Variants in SYNJ1 observed in about 807,000 individuals in gnomAD.
SYNJ1 encodes synaptojanin 1.
A neutral mutation model predicts 168.2 loss-of-function variants in SYNJ1; 78 were observed. The ratio of observed to expected loss-of-function variants is 0.46; its 90% CI spans 0.39 to 0.56. The LOEUF (loss-of-function observed/expected upper bound fraction) is 0.56. Among genes scored for constraint, SYNJ1 ranks in the 20% least tolerant of loss-of-function variants. The probability of loss-of-function intolerance (pLI) is 0.00; values close to 1 mark genes in which losing one functional copy is unlikely to be tolerated. For synonymous variants in SYNJ1, 539 were observed against 548.6 expected (o/e 0.98, Z 0.24); for missense variants, 1,303 against 1,597.6 (o/e 0.82, Z 3.14).
At chr21:32,667,945 T>C (rs2041009089) in intron 15 of SYNJ1, among the ~76,000 whole-genome samples, 1 of 152,040 alleles carries the variant, frequency 6.6e-6, no homozygotes, top group South Asian at 2.1e-4. Context: ...TTAAGAGTGG[T>C]ACTCAGTAGG....
At chr21:32,644,773 TA>T (rs983258711) in intron 26 of SYNJ1, among the ~76,000 whole-genome samples, 194 bp downstream of exon 26, 11 of 150,436 alleles carry the variant, frequency 7.3e-5, no homozygotes, top group African/African-American at 2.2e-4. Context: ...CCACATTTAT[TA>T]AAAAAAAAAT....
At chr21:32,636,469 GACTTGTA>G (rs1278063030) in intron 31 of SYNJ1, among the ~76,000 whole-genome samples, 3 of 152,244 alleles carry the variant, frequency 2.0e-5, no homozygotes, top group Non-Finnish European at 4.4e-5. Flanking sequence ...GATAAGTAAA[GACTTGTA>G]AAAATTACAA....
At chr21:32,727,798 C>G in intron 1 of SYNJ1, 148 bp downstream of exon 1, 1 of 1,439,500 alleles carries the variant, frequency 6.9e-7, no homozygotes, top group Admixed American at 2.4e-5. Flanking sequence ...CAACCCCGCC[C>G]GTCCTCCCGC....
intron 3 of SYNJ1, among the ~76,000 whole-genome samples, chr21:32,701,545 A>G (rs845001): frequency 0.084 from 11,907 of 141,768 alleles, 586 homozygotes; most frequent in South Asian, 0.16. Flanking sequence ...ATTACGTGGC[A>G]AAAAAAAAAA....
chr21:32,694,310 A>G lies in SYNJ1; in HGVS notation c.707T>C (p.Val236Ala), dbSNP rs2042127424. The G allele has an allele frequency of 6.5e-7, 1 of 1,550,138 alleles. No homozygotes were observed. Among genetic ancestry groups the G allele is most frequent in the East Asian group, 2.4e-5 (1 of 41,236 alleles). ...AGAAACTGAGTCATCTAAGTACACA[A>G]CCTACAGAAAAAAAAATAATATGTA... is the stretch of plus-strand genomic sequence containing the variant. ...HVANFVETEQ[V>A]VYLDDSVSSF... The change falls in exon 6 of 33, where the codon GTT (valine) becomes GCT (alanine). Residue 236 changes from valine (V) to alanine (A), a missense_variant and splice_region_variant. By Grantham distance (64) the Val-to-Ala change is moderately conservative. Coordinates refer to ENST00000674351, the MANE Select transcript of SYNJ1 (RefSeq NM_203446.3).
chr21:32,707,815 G>A (rs771036726), intron 2 of SYNJ1, among the ~76,000 whole-genome samples: 27 of 152,142 alleles, frequency 1.8e-4, no homozygotes, highest in Non-Finnish European at 4.0e-4. Flanking sequence ...TTGGGAGATC[G>A]AAACCAGCCT....
At position 32,656,974 on chromosome 21, in the gene SYNJ1, A is replaced by G. The variant is rs2040484142; in HGVS notation, c.2579+29T>C. ...GGTGTATTTCAAACAAATTTCAAACACTATTAGAAAAACTGAGACTGCTTA... is the reference window on the plus strand; with the variant it reads ...GGTGTATTTCAAACAAATTTCAAACGCTATTAGAAAAACTGAGACTGCTTA... On this transcript the variant is annotated intron_variant, in intron 20 of 32. Transcript: ENST00000674351. 5 of 1,610,354 alleles carry G rather than the reference A, an allele frequency of 3.1e-6. No homozygotes were observed. In the East Asian group the frequency reaches 1.1e-4, roughly 36 times the overall value.
intron 21 of SYNJ1, among the ~76,000 whole-genome samples, chr21:32,654,370 A>C (rs1339128331): frequency 6.6e-6 from 1 of 152,198 alleles, no homozygotes; most frequent in Non-Finnish European, 1.5e-5. Flanking sequence ...AACTGACTCA[A>C]TTTCTTTGGC....
intron 11 of SYNJ1, among the ~76,000 whole-genome samples, chr21:32,679,386 T>C (rs1177233086): frequency 2.0e-5 from 3 of 152,178 alleles, no homozygotes; most frequent in African/African-American, 7.2e-5. Flanking sequence ...AAACTACAGT[T>C]TGTATATTTT....
chr21:32,728,185 C>T (rs1666437339), upstream of SYNJ1: 3 of 948,976 alleles, frequency 3.2e-6, no homozygotes, highest in Admixed American at 3.2e-5. Flanking sequence ...ACCTTTGCCT[C>T]CTGCGGCCGC....
At chr21:32,675,946 C>T (rs972968528) in intron 13 of SYNJ1, among the ~76,000 whole-genome samples, 31 of 152,104 alleles carry the variant, frequency 2.0e-4, no homozygotes, top group Non-Finnish European at 1.0e-4. Context: ...GTAAATATCA[C>T]GGATGGCACT....
chr21:32,652,202 ATT>A (rs373043202), intron 22 of SYNJ1, among the ~76,000 whole-genome samples: 4 of 144,776 alleles, frequency 2.8e-5, no homozygotes, highest in Non-Finnish European at 1.5e-5. Flanking sequence ...CACACAAAGA[ATT>A]TTTTTTTTTT....
chr21:32,646,474 T>G lies in SYNJ1; in HGVS notation c.3166A>C (p.Ile1056Leu), dbSNP rs1484714011. ...AGGGAAGGTACAGGACCCTCTGATA[T>G]TGTAGGTGACTGGCAGGGACTAGTT... ...PRTSPCQSPT[I>L]SEGPVPSLPI... The change falls in exon 24 of 33, where the codon ATA (isoleucine) becomes CTA (leucine). Residue 1056 changes from isoleucine (I) to leucine (L), a missense_variant. By Grantham distance (5) the Ile-to-Leu change is conservative. Around this residue, in one of 2 missense-constraint regions of SYNJ1, gnomAD observed 383 missense variants for 388.8 expected, o/e 0.99. Coordinates refer to ENST00000674351, the MANE Select transcript of SYNJ1 (RefSeq NM_203446.3). The G allele has an allele frequency of 1.9e-6, 3 of 1,614,138 alleles. No homozygotes were observed. In the Admixed American group the frequency reaches 5.0e-5, roughly 27 times the overall value.
In SYNJ1 at chr21:32,639,743, G is replaced by T. The variant is rs1334004308; in HGVS notation, c.3625C>A (p.Gln1209Lys). 6.2e-7 allele frequency: 1 copy of T among 1,614,156 alleles called. No homozygotes were observed. The highest frequency in any genetic ancestry group is 8.5e-7 in the Non-Finnish European group (1 of 1,180,008). ...CCAGCAGATGCCCGCGCGTGGCTCT[G>T]TGGGGCACTGATAACTCCAGCACGA... ...PPRAGVISAP[Q>K]SHARASAGRL... Residue 1209 changes from glutamine (Q) to lysine (K), a missense_variant, in exon 30 of 33, where the codon CAG becomes AAG. Physicochemically the swap from Gln to Lys is moderately conservative, Grantham distance 53 (BLOSUM62 1). Around this residue, in one of 2 missense-constraint regions of SYNJ1, gnomAD observed 383 missense variants for 388.8 expected, o/e 0.99. Coordinates refer to ENST00000674351, the MANE Select transcript of SYNJ1 (RefSeq NM_203446.3).
At chr21:32,668,044 T>C (rs1420672628) in intron 15 of SYNJ1, among the ~76,000 whole-genome samples, 3 of 134,790 alleles carry the variant, frequency 2.2e-5, no homozygotes, top group Admixed American at 7.4e-5. Flanking sequence ...TGTGTGTGTG[T>C]GTGTGCATGT....
At chr21:32,727,095 C>T (rs948459227) in intron 1 of SYNJ1, among the ~76,000 whole-genome samples, 178 bp from the exon 2 acceptor site, 1 of 152,026 alleles carries the variant, frequency 6.6e-6, no homozygotes, top group Non-Finnish European at 1.5e-5. Context: ...CTTAATTTTA[C>T]CAAAAAGCAA....
chr21:32,672,020 C>G (rs1156666814), intron 14 of SYNJ1, among the ~76,000 whole-genome samples: 1 of 132,562 alleles, frequency 7.5e-6, no homozygotes, highest in Non-Finnish European at 1.5e-5. Context: ...GATCCTGCCA[C>G]TGCACTCCAG....
intron 2 of SYNJ1, among the ~76,000 whole-genome samples, chr21:32,724,226 G>A (rs982044068): frequency 6.6e-6 from 1 of 152,254 alleles, no homozygotes; most frequent in South Asian, 2.1e-4. Context: ...GGTGGCTCAC[G>A]CCTGTAATCC....
chr21:32,649,985 G>C (rs1044803539), intron 23 of SYNJ1, among the ~76,000 whole-genome samples, 199 bp downstream of exon 23: 1 of 152,104 alleles, frequency 6.6e-6, no homozygotes, highest in African/African-American at 2.4e-5. Flanking sequence ...CCTGGCCTCA[G>C]GCAATCCACC....
Sources: allele counts gnomAD v4.1 joint callset (sites outside exome capture counted in the v4.1 genomes callset), GRCh38; gene constraint gnomAD v4.1.1; regional missense constraint gnomAD v4.1.1; transcripts MANE v1.5; gene names NCBI Gene and HGNC (gene_info 2026-07-23, HGNC 2026-07-21).